The following RAMP1 variants were observed in gnomAD, a reference collection of about 807,000 sequenced individuals.
The protein encoded by RAMP1 is receptor activity modifying protein 1, also known as receptor activity-modifying protein 1.
RAMP1 carries 7 observed loss-of-function variants against 8.2 expected under a neutral mutation model. The observed-to-expected ratio is 0.85, with a 90% CI of 0.49 to 1.60. RAMP1 has a LOEUF of 1.60. Among genes scored for constraint, RAMP1 ranks in the 40% most tolerant of loss-of-function variants. The pLI is 0.00. For synonymous variants in RAMP1, 92 were observed against 84.7 expected, an observed-to-expected ratio of 1.09 and a Z score of -0.47; for missense variants, 192 against 202.4, an observed-to-expected ratio of 0.95 and a Z score of 0.31.
At chr2:237,890,095 C>T (rs1405367094) in intron 2 of RAMP1, among the ~76,000 whole-genome samples, 1 of 152,214 alleles carries the variant, frequency 6.6e-6, no homozygotes, top group African/African-American at 2.4e-5. Context: ...AATAAGGAAG[C>T]TCCGGATTTT....
At chr2:237,873,330 T>G (rs1053700966) in intron 1 of RAMP1, among the ~76,000 whole-genome samples, 1 of 152,218 alleles carries the variant, frequency 6.6e-6, no homozygotes, top group African/African-American at 2.4e-5. Flanking sequence ...TTTGCTGAGT[T>G]TGAGACCCAT....
At chr2:237,896,568 G>C (rs1383981724) in intron 2 of RAMP1, among the ~76,000 whole-genome samples, 1 of 152,238 alleles carries the variant, frequency 6.6e-6, no homozygotes, top group Non-Finnish European at 1.5e-5. Context: ...TCTGTAAGGA[G>C]GGGGTAAGAA....
rs191395915 is a variant in RAMP1 at position 237,877,419 on chromosome 2, C to T, written c.191+57C>T. The T allele has an allele frequency of 1.4e-4, 225 of 1,572,704 alleles. No individual in the cohort carries two copies. The Middle Eastern group carries it at 1.7e-3, about 12-fold the overall frequency. On this transcript the variant is annotated intron_variant, in intron 2 of 2. Coordinates refer to ENST00000254661, the MANE Select transcript of RAMP1 (RefSeq NM_005855.4). This position sits in a 1 kb window ranked among gnomAD's most constrained non-coding sequence, Gnocchi z 4.4. ...CGGTTGGGGAGGGAGAGGGGGCAAG[C>T]GGAGGAGGAGTGGACCACGTGGGAG...
At chr2:237,908,682 C>T (rs552602444) in intron 2 of RAMP1, among the ~76,000 whole-genome samples, 244 of 152,236 alleles carry the variant, frequency 1.6e-3, no homozygotes, top group African/African-American at 4.8e-3. Flanking sequence ...GTGATCCACC[C>T]GCCTCAGCCT....
At chr2:237,866,211 T>C (rs1446566671) in intron 1 of RAMP1, among the ~76,000 whole-genome samples, 3 of 152,104 alleles carry the variant, frequency 2.0e-5, no homozygotes, top group African/African-American at 7.2e-5. Flanking sequence ...TCATTCAGTG[T>C]CTAGGAATCC....
At chr2:237,861,706 G>C (rs10170061) in intron 1 of RAMP1, among the ~76,000 whole-genome samples, 14,647 of 151,844 alleles carry the variant, frequency 0.096, 1,935 homozygotes, top group African/African-American at 0.3. Context: ...AAAAAATTAG[G>C]CAGGCATGGT....
intron 2 of RAMP1, among the ~76,000 whole-genome samples, chr2:237,888,122 C>T (rs932454825): frequency 3.3e-5 from 5 of 151,966 alleles, no homozygotes; most frequent in Non-Finnish European, 7.4e-5. Context: ...GGCACAATCT[C>T]GGCTCACTGC....
chr2:237,893,567 A>G (rs1339085328), intron 2 of RAMP1, among the ~76,000 whole-genome samples: 1 of 152,182 alleles, frequency 6.6e-6, no homozygotes, highest in Non-Finnish European at 1.5e-5. Context: ...TGTACATGTT[A>G]CATCCTTTTT....
chr2:237,894,530 C>A (rs936520740), intron 2 of RAMP1, among the ~76,000 whole-genome samples: 1 of 152,186 alleles, frequency 6.6e-6, no homozygotes, highest in Non-Finnish European at 1.5e-5. Context: ...GCCAGGACCA[C>A]CAGGGAATGT....
intron 2 of RAMP1, among the ~76,000 whole-genome samples, chr2:237,887,478 G>T (rs76359978): frequency 0.012 from 1,752 of 152,314 alleles, 38 homozygotes; most frequent in African/African-American, 0.04. Flanking sequence ...TCTTGTTTCA[G>T]CTTCTTGTCT....
intron 2 of RAMP1, among the ~76,000 whole-genome samples, chr2:237,910,008 C>T (rs986104387): frequency 2.6e-5 from 4 of 152,238 alleles, no homozygotes; most frequent in Admixed American, 1.3e-4. Flanking sequence ...GCCCCTGGCT[C>T]GGCACGGCCA....
At chr2:237,910,357 ACAAT>A (rs1329099596) in intron 2 of RAMP1, among the ~76,000 whole-genome samples, 1 of 151,430 alleles carries the variant, frequency 6.6e-6, no homozygotes, top group African/African-American at 2.4e-5. Flanking sequence ...ACACACACAC[ACAAT>A]CACACACAGA....
chr2:237,877,998 G>A lies in RAMP1; in HGVS notation c.191+636G>A. 4.1e-6 allele frequency: 4 copies of A among 985,448 alleles called. No individual in the cohort carries two copies. The highest frequency in any genetic ancestry group is 4.8e-6 in the Non-Finnish European group (4 of 829,932). The allele number at this position is 985,448 out of a possible 1,614,324, so 61.0% of individuals were successfully genotyped here. On this transcript the variant is annotated intron_variant, in intron 2 of 2. Transcript: ENST00000254661. The surrounding 1 kb of genome is among the most constrained non-coding windows in gnomAD (Gnocchi z 4.4). ...CGGGGGGTTCTCCCCAGCAGGCCCA[G>A]GCTCCTCTGCCTCCAGAGCGGCGAT...
chr2:237,887,972 A>C (rs549543068), intron 2 of RAMP1, among the ~76,000 whole-genome samples: 4 of 152,034 alleles, frequency 2.6e-5, no homozygotes, highest in Admixed American at 1.3e-4. Context: ...TTTTTAAAAA[A>C]GATTTTGTTG....
At chr2:237,892,758 T>TC (rs1491310739) in intron 2 of RAMP1, among the ~76,000 whole-genome samples, 15 of 150,148 alleles carry the variant, frequency 1.0e-4, no homozygotes, top group Non-Finnish European at 2.1e-4. Flanking sequence ...TCTCTCTCTC[T>TC]TCTCCATCCT....
At chr2:237,902,527 C>T (rs996454783) in intron 2 of RAMP1, among the ~76,000 whole-genome samples, 3 of 152,094 alleles carry the variant, frequency 2.0e-5, no homozygotes, top group Admixed American at 6.5e-5. Flanking sequence ...GCCCACCCCG[C>T]ACCCCCACTC....
In RAMP1 at chr2:237,911,810, A is replaced by G. The variant is rs927378095; in HGVS notation, c.*27A>G. 6 of 1,567,874 alleles carry G rather than the reference A, an allele frequency of 3.8e-6. No individual in the cohort carries two copies. The highest frequency in any genetic ancestry group is 5.2e-6 in the Non-Finnish European group (6 of 1,154,814). On this transcript the variant is annotated 3_prime_UTR_variant, in exon 3 of 3. Transcript: ENST00000254661. Reference sequence around the variant, plus strand: ...CGGGGCCCAGGCTGCCCGCGGGTGCACCCAGGCTGCAGGGTGAGGCCAGGC... The same window carrying G: ...CGGGGCCCAGGCTGCCCGCGGGTGCGCCCAGGCTGCAGGGTGAGGCCAGGC...
At chr2:237,900,221 A>G (rs1347306353) in intron 2 of RAMP1, among the ~76,000 whole-genome samples, 3 of 152,106 alleles carry the variant, frequency 2.0e-5, no homozygotes, top group Non-Finnish European at 4.4e-5. Context: ...GTGCAGTGGC[A>G]CGATCTCGAC....
rs141052134 is a variant in RAMP1, at chr2:237,879,060, G to C, written c.191+1698G>C. ...CCTTTTCTAAGCTGAAAAATGAGTT[G>C]AGTGGGAAGAGGTTGTTAAAAATCA... On this transcript the variant is annotated intron_variant, in intron 2 of 2. Transcript: ENST00000254661. Among the ~76,000 whole-genome samples the C allele has an allele frequency of 1.3e-3, 202 of 152,322 alleles. 1 individual carries two copies. Among genetic ancestry groups the C allele is most frequent in the Admixed American group, 3.3e-3 (51 of 15,306 alleles).
Sources: gnomAD v4.1 joint callset for allele counts (sites outside exome capture counted in the v4.1 genomes callset) on GRCh38, gnomAD v4.1.1 for gene constraint, Gnocchi (gnomAD v3.1) non-coding constraint, MANE v1.5 for transcripts, NCBI Gene and HGNC (gene_info 2026-07-23, HGNC 2026-07-21) for gene names.